The following CCDC178 variants were observed in gnomAD, a reference collection of about 807,000 sequenced individuals.
CCDC178 encodes the protein coiled-coil domain-containing protein 178.
A neutral mutation model predicts 117.4 loss-of-function variants in CCDC178; 126 were observed. The observed-to-expected ratio is 1.07, with a 90% CI of 0.93 to 1.24. The LOEUF is 1.24. Among genes scored for constraint, CCDC178 ranks in the 50% most tolerant of loss-of-function variants. The probability of loss-of-function intolerance (pLI) is 0.00; values close to 1 mark genes in which losing one functional copy is unlikely to be tolerated. For synonymous variants in CCDC178, 283 were observed against 313.4 expected, an observed-to-expected ratio of 0.90 and a Z score of 1.02; for missense variants, 1,030 against 986.9, an observed-to-expected ratio of 1.04 and a Z score of -0.59.
intron 15 of CCDC178, among the ~76,000 whole-genome samples, chr18:33,228,718 C>T (rs913414748): frequency 6.6e-6 from 1 of 152,186 alleles, no homozygotes; most frequent in Admixed American, 6.5e-5. Context: ...GACCAGTCAC[C>T]AGGAGAGAAA....
At chr18:32,960,570 C>A (rs140363799) in intron 22 of CCDC178, among the ~76,000 whole-genome samples, 1 of 152,184 alleles carries the variant, frequency 6.6e-6, no homozygotes, top group African/African-American at 2.4e-5. Context: ...AGGTTCTATA[C>A]GCTAAATGCT....
intron 20 of CCDC178, among the ~76,000 whole-genome samples, chr18:33,118,501 C>T (rs139261842): frequency 6.6e-6 from 1 of 152,004 alleles, no homozygotes; most frequent in Non-Finnish European, 1.5e-5. Context: ...GAAAGAAGGA[C>T]CTCTTCAAGA....
intron 11 of CCDC178, among the ~76,000 whole-genome samples, chr18:33,299,526 C>CACAT (rs1216493493): frequency 6.6e-6 from 1 of 151,456 alleles, no homozygotes; most frequent in Non-Finnish European, 1.5e-5. Flanking sequence ...CACACACACA[C>CACAT]ACACACACTC....
intron 9 of CCDC178, 112 bp from the exon 10 acceptor site, chr18:33,333,506 C>CT (rs11361411): frequency 0.035 from 5,383 of 152,282 alleles, 15 homozygotes; most frequent in South Asian, 0.064. Flanking sequence ...AATCTTACTA[C>CT]TTTTTTTTTT....
intron 6 of CCDC178, among the ~76,000 whole-genome samples, chr18:33,356,817 A>G (rs1288991978): frequency 2.0e-5 from 3 of 152,158 alleles, no homozygotes; most frequent in African/African-American, 7.2e-5. Flanking sequence ...CTTCTTTGAC[A>G]TATTCAGAAA....
chr18:33,056,697 A>G (rs1374809668), intron 21 of CCDC178, among the ~76,000 whole-genome samples: 3 of 152,210 alleles, frequency 2.0e-5, no homozygotes, highest in African/African-American at 7.2e-5. Flanking sequence ...TTGGGGAAAG[A>G]AATGAGAGAG....
chr18:33,123,112 A>G (rs1321078320), intron 20 of CCDC178, among the ~76,000 whole-genome samples: 1 of 152,196 alleles, frequency 6.6e-6, no homozygotes, highest in Non-Finnish European at 1.5e-5. Flanking sequence ...TTTCATCTTT[A>G]TCATCACATG....
intron 10 of CCDC178, among the ~76,000 whole-genome samples, chr18:33,330,105 G>T (rs2062644815): frequency 1.3e-5 from 2 of 151,898 alleles, no homozygotes; most frequent in African/African-American, 4.8e-5. Flanking sequence ...CTATCTCAAT[G>T]TATGTATTTT....
chr18:33,393,480 A>G lies in CCDC178; in HGVS notation c.118+3669T>C, dbSNP rs544451738. Among the ~76,000 whole-genome samples, 4 of 152,256 alleles carry G rather than the reference A, an allele frequency of 2.6e-5. No homozygotes were observed. In the South Asian group the frequency reaches 8.3e-4, roughly 32 times the overall value. ...GACATTCAAGCTAGAAAAAATTTTC[A>G]TCACCCCTGAAAGTTTCTCATCTAC... On this transcript the variant is annotated intron_variant, in intron 4 of 22. Coordinates refer to ENST00000383096, the MANE Select transcript of CCDC178 (RefSeq NM_001105528.4).
intron 3 of CCDC178, 125 bp from the exon 4 acceptor site, chr18:33,397,333 T>G (rs971503358): frequency 9.2e-6 from 5 of 543,930 alleles, no homozygotes; most frequent in Admixed American, 7.1e-5. Context: ...TAGGCTAAAT[T>G]ACATAAGAAA....
At chr18:32,946,263 A>C (rs1009773028) in intron 22 of CCDC178, among the ~76,000 whole-genome samples, 7 of 152,166 alleles carry the variant, frequency 4.6e-5, no homozygotes, top group African/African-American at 1.4e-4. Context: ...AAAATCTCTT[A>C]AATTTGCCCT....
At chr18:33,427,627 T>C (rs2064140663) in intron 2 of CCDC178, among the ~76,000 whole-genome samples, 1 of 152,190 alleles carries the variant, frequency 6.6e-6, no homozygotes, top group South Asian at 2.1e-4. Flanking sequence ...TTACATCTCA[T>C]GGTTTTGCTA....
In CCDC178 at chr18:33,050,063, A is replaced by G. The variant is rs376281009; in HGVS notation, c.2388+42698T>C. Among the ~76,000 whole-genome samples, 7 of 152,328 alleles carry G rather than the reference A, an allele frequency of 4.6e-5. No homozygotes were observed. The East Asian group carries it at 1.2e-3, about 25-fold the overall frequency. ...GCCACTGCACTCCAGCCTGGGTGAC[A>G]GAGCAAGACTCCATCTCAAAAATAA... is the stretch of plus-strand genomic sequence containing the variant. On this transcript the variant is annotated intron_variant, in intron 21 of 22. Coordinates refer to ENST00000383096, the MANE Select transcript of CCDC178 (RefSeq NM_001105528.4).
At chr18:33,359,385 A>G (rs1021454724) in intron 6 of CCDC178, among the ~76,000 whole-genome samples, 4 of 151,764 alleles carry the variant, frequency 2.6e-5, no homozygotes, top group Non-Finnish European at 4.4e-5. Flanking sequence ...AAATAATTAA[A>G]AAATTACTTT....
chr18:33,176,878 G>C (rs115475303), intron 20 of CCDC178, among the ~76,000 whole-genome samples: 1 of 152,072 alleles, frequency 6.6e-6, no homozygotes. Context: ...GTCTATAAGT[G>C]AATCTGTTTC....
intron 2 of CCDC178, among the ~76,000 whole-genome samples, chr18:33,429,787 T>G (rs4799697): frequency 0.63 from 96,090 of 152,026 alleles, 31,000 homozygotes; most frequent in South Asian, 0.81. Context: ...AGCTAGAGAA[T>G]AGAGAGTATT....
intron 8 of CCDC178, among the ~76,000 whole-genome samples, chr18:33,346,619 T>C (rs186595664): frequency 5.8e-4 from 89 of 152,196 alleles, no homozygotes; most frequent in Admixed American, 4.6e-3. Flanking sequence ...ATAAACATTT[T>C]ATAAAATAAT....
chr18:33,031,548 A>C (rs2056343268), intron 21 of CCDC178, among the ~76,000 whole-genome samples: 2 of 152,176 alleles, frequency 1.3e-5, no homozygotes, highest in Non-Finnish European at 2.9e-5. Context: ...ATTAAAGTAC[A>C]GAAAAACGCA....
At chr18:33,069,603 C>T (rs973322398) in intron 21 of CCDC178, among the ~76,000 whole-genome samples, 1 of 152,054 alleles carries the variant, frequency 6.6e-6, no homozygotes, top group African/African-American at 2.4e-5. Flanking sequence ...ACCTTGAGGA[C>T]ATTGATCTAG....
Sources: allele counts gnomAD v4.1 joint callset (sites outside exome capture counted in the v4.1 genomes callset), GRCh38; gene constraint gnomAD v4.1.1; transcripts MANE v1.5; gene names NCBI Gene and HGNC (gene_info 2026-07-23, HGNC 2026-07-21).